Variants in CYP2C19 observed in about 807,000 individuals in gnomAD.
The protein encoded by CYP2C19 is cytochrome P450 family 2 subfamily C member 19, also known as cytochrome P450 2C19.
A neutral mutation model predicts 40.9 loss-of-function variants in CYP2C19; 59 were observed. The ratio of observed to expected loss-of-function variants is 1.44; its 90% CI spans 1.17 to 1.79. The LOEUF (loss-of-function observed/expected upper bound fraction) is 1.79. CYP2C19 is among the 40% of genes most tolerant of loss of function. The pLI is 0.00. For missense variants in CYP2C19, 754 were observed against 596.9 expected, an observed-to-expected ratio of 1.26 and a Z score of -2.74; for synonymous variants, 253 against 208.7, an observed-to-expected ratio of 1.21 and a Z score of -1.83.
chr10:94,809,681 A>G (rs1309439968), intron 5 of CYP2C19, among the ~76,000 whole-genome samples: 1 of 152,036 alleles, frequency 6.6e-6, no homozygotes, highest in African/African-American at 2.4e-5. Context: ...TTGCCCATTC[A>G]GTATAATTTT....
intron 6 of CYP2C19, among the ~76,000 whole-genome samples, chr10:94,842,167 C>T (rs1239957518): frequency 6.6e-6 from 1 of 152,128 alleles, no homozygotes; most frequent in African/African-American, 2.4e-5. Context: ...TATCTGGGTG[C>T]TCCATTTTTG....
At chr10:94,804,199 T>A (rs570166672) in intron 5 of CYP2C19, among the ~76,000 whole-genome samples, 1 of 152,092 alleles carries the variant, frequency 6.6e-6, no homozygotes, top group Admixed American at 6.5e-5. Context: ...CAAGGACACA[T>A]GCAGACCATT....
At chr10:94,816,219 C>T (rs1435370320) in intron 5 of CYP2C19, among the ~76,000 whole-genome samples, 1 of 151,350 alleles carries the variant, frequency 6.6e-6, no homozygotes, top group Non-Finnish European at 1.5e-5. Context: ...ACAGCATCCA[C>T]TACACCATAC....
intron 6 of CYP2C19, among the ~76,000 whole-genome samples, chr10:94,829,074 T>A (rs996719547): frequency 1.3e-5 from 2 of 152,190 alleles, no homozygotes; most frequent in Non-Finnish European, 1.5e-5. Flanking sequence ...TAACCCGACC[T>A]TTCTCTCTGG....
intron 6 of CYP2C19, among the ~76,000 whole-genome samples, chr10:94,822,586 C>T (rs766191002): frequency 1.3e-5 from 2 of 152,134 alleles, no homozygotes; most frequent in Non-Finnish European, 2.9e-5. Flanking sequence ...GGGGCATATA[C>T]TCAATAGTTG....
At chr10:94,781,785 A>G (rs778044050) in intron 4 of CYP2C19, 36 bp from the exon 5 acceptor site, 17 of 1,178,870 alleles carry the variant, frequency 1.4e-5, no homozygotes, top group Non-Finnish European at 1.8e-5. Flanking sequence ...CCTTTATTAA[A>G]TGCTTTTAAT....
intron 6 of CYP2C19, among the ~76,000 whole-genome samples, chr10:94,821,981 C>A (rs1589367666): frequency 6.6e-6 from 1 of 152,112 alleles, no homozygotes; most frequent in East Asian, 1.9e-4. Context: ...CTATTGTTCC[C>A]ATCTTTAGGT....
chr10:94,830,472 C>T (rs1442976443), intron 6 of CYP2C19, among the ~76,000 whole-genome samples: 3 of 152,230 alleles, frequency 2.0e-5, no homozygotes, highest in African/African-American at 7.2e-5. Flanking sequence ...TCCCTGACCC[C>T]TTGCACTTCC....
intron 5 of CYP2C19, among the ~76,000 whole-genome samples, chr10:94,793,989 G>C (rs1848646584): frequency 6.6e-6 from 1 of 152,050 alleles, no homozygotes; most frequent in Admixed American, 6.5e-5. Flanking sequence ...AGGCCTCCTT[G>C]AGGTGCGGTG....
intron 6 of CYP2C19, among the ~76,000 whole-genome samples, chr10:94,824,477 A>C (rs1849180885): frequency 6.6e-6 from 1 of 152,188 alleles, no homozygotes; most frequent in African/African-American, 2.4e-5. Flanking sequence ...ATACCATTGC[A>C]AATTGCAGAC....
intron 6 of CYP2C19, among the ~76,000 whole-genome samples, chr10:94,824,349 A>G (rs1180528274): frequency 3.9e-5 from 6 of 152,148 alleles, no homozygotes; most frequent in Admixed American, 2.6e-4. Flanking sequence ...AATATAATCT[A>G]CAAAAAGATA....
chr10:94,815,235 G>A (rs557399707), intron 5 of CYP2C19, among the ~76,000 whole-genome samples: 66 of 152,030 alleles, frequency 4.3e-4, no homozygotes, highest in African/African-American at 1.6e-3. Flanking sequence ...GTGTGAAGCT[G>A]ATGTTACCAA....
intron 5 of CYP2C19, among the ~76,000 whole-genome samples, chr10:94,795,256 T>A (rs1848667017): frequency 6.6e-6 from 1 of 150,438 alleles, no homozygotes; most frequent in Non-Finnish European, 1.5e-5. Flanking sequence ...ATACGGTGTT[T>A]GGTTTTTTCT....
At chr10:94,836,224 C>T (rs978868524) in intron 6 of CYP2C19, among the ~76,000 whole-genome samples, 2 of 152,182 alleles carry the variant, frequency 1.3e-5, no homozygotes, top group African/African-American at 4.8e-5. Flanking sequence ...ACAGTAAGAT[C>T]TCTTCCTTGT....
chr10:94,779,089 A>G (rs1358375050), intron 3 of CYP2C19, among the ~76,000 whole-genome samples: 1 of 151,956 alleles, frequency 6.6e-6, no homozygotes, highest in Non-Finnish European at 1.5e-5. Context: ...CAGGAAGGGT[A>G]ACATCACACA....
chr10:94,813,630 A>G (rs180981922), intron 5 of CYP2C19, among the ~76,000 whole-genome samples: 6 of 151,006 alleles, frequency 4.0e-5, no homozygotes, highest in Admixed American at 3.9e-4. Context: ...ACTCCCCTCA[A>G]CACCCCCCCC....
intron 4 of CYP2C19, among the ~76,000 whole-genome samples, chr10:94,780,928 G>A (rs1018490369): frequency 6.6e-6 from 1 of 152,144 alleles, no homozygotes; most frequent in African/African-American, 2.4e-5. Flanking sequence ...TTTCTATAAA[G>A]TACTTTGGTG....
intron 5 of CYP2C19, among the ~76,000 whole-genome samples, chr10:94,807,017 G>T (rs1848844689): frequency 6.6e-6 from 1 of 152,008 alleles, no homozygotes; most frequent in African/African-American, 2.4e-5. Flanking sequence ...CTGAAGTTTT[G>T]TATCTGTTAA....
chr10:94,782,714 T>G (rs910562896), intron 5 of CYP2C19, among the ~76,000 whole-genome samples: 1 of 152,140 alleles, frequency 6.6e-6, no homozygotes, highest in African/African-American at 2.4e-5. Flanking sequence ...TCAACCCAAA[T>G]GTACATCAAT....
Sources: gnomAD v4.1 joint callset for allele counts (sites outside exome capture counted in the v4.1 genomes callset) on GRCh38, gnomAD v4.1.1 for gene constraint, MANE v1.5 for transcripts, NCBI Gene and HGNC (gene_info 2026-07-23, HGNC 2026-07-21) for gene names.